The following TRIM25 variants were observed in gnomAD, a reference collection of about 807,000 sequenced individuals.
TRIM25 encodes E3 ubiquitin/ISG15 ligase TRIM25.
TRIM25 carries 45 observed loss-of-function variants against 65.2 expected under a neutral mutation model. The observed-to-expected ratio is 0.69, with a 90% CI of 0.54 to 0.89. The LOEUF (loss-of-function observed/expected upper bound fraction) is 0.89. Ranked by LOEUF, TRIM25 falls within the 40% of genes least tolerant of loss-of-function variation. The pLI, the probability that TRIM25 is intolerant of heterozygous loss-of-function variation, is 0.00. For missense variants in TRIM25, 714 were observed against 803.7 expected (o/e 0.89, Z 1.35); for synonymous variants, 321 against 340.4 (o/e 0.94, Z 0.63).
rs544184955 is a variant in TRIM25, at chr17:56,905,550, T to C, written c.694-1062A>G. Among the ~76,000 whole-genome samples the C allele has an allele frequency of 4.6e-5, 7 of 152,262 alleles. No individual in the cohort carries two copies. The South Asian group carries it at 1.5e-3, about 32-fold the overall frequency. ...CCATGAGTGTAAAATACATACTGGCTTTCAAGGGTTTCACACCAAAAAAAG... is the reference window on the plus strand; with the variant it reads ...CCATGAGTGTAAAATACATACTGGCCTTCAAGGGTTTCACACCAAAAAAAG... On this transcript the variant is annotated intron_variant, in intron 2 of 8. Transcript: ENST00000316881.
At position 56,892,217 on chromosome 17, in the gene TRIM25, A is replaced by C. The variant is rs900058442; in HGVS notation, c.1376T>G (p.Val459Gly). 5 of 1,592,922 alleles carry C rather than the reference A, an allele frequency of 3.1e-6. No individual in the cohort carries two copies. Among genetic ancestry groups the C allele is most frequent in the Non-Finnish European group, 4.3e-6 (5 of 1,165,528 alleles). Reference sequence around the variant, plus strand: ...GTGGGCGGTGTTGTAGTCCAGGATGACTTTAATGTAATCTGAGAAAACATC... The same window carrying C: ...GTGGGCGGTGTTGTAGTCCAGGATGCCTTTAATGTAATCTGAGAAAACATC... The part of the protein sequence containing the change: ...RPELLEYYIK[V>G]ILDYNTAHNK... The change falls in exon 9 of 9, where the codon GTC (valine) becomes GGC (glycine). Residue 459 changes from valine (V) to glycine (G), a missense_variant. Physicochemically the swap from Val to Gly is moderately radical, Grantham distance 109 (BLOSUM62 -3). This residue lies in a region of TRIM25 where 413 missense variants were observed against 498.2 expected (regional missense o/e 0.83). Transcript: ENST00000316881.
At chr17:56,895,210 G>GAGC (rs1909265784) in intron 8 of TRIM25, 133 bp downstream of exon 8, 3 of 653,116 alleles carry the variant, frequency 4.6e-6, no homozygotes, top group Non-Finnish European at 8.0e-6. Context: ...GAAAATAAGG[G>GAGC]AGCAACAAAG....
chr17:56,895,312 G>T, intron 8 of TRIM25, 31 bp downstream of exon 8: 2 of 1,580,504 alleles, frequency 1.3e-6, no homozygotes, highest in Non-Finnish European at 1.7e-6. Flanking sequence ...CAGAACCAGT[G>T]GAACCGCGCA....
chr17:56,901,695 C>T (rs1204771839), intron 3 of TRIM25, 117 bp from the exon 4 acceptor site: 1 of 1,340,158 alleles, frequency 7.5e-7, no homozygotes, highest in African/African-American at 1.5e-5. Flanking sequence ...TCCAATTGGC[C>T]TTCTCAAATT....
intron 1 of TRIM25, among the ~76,000 whole-genome samples, chr17:56,910,144 T>C (rs1909598830): frequency 6.6e-6 from 1 of 151,422 alleles, no homozygotes; most frequent in African/African-American, 2.5e-5. Flanking sequence ...AAACTGAGCA[T>C]GCTGGAGATT....
chr17:56,891,529 C>G lies in TRIM25; in HGVS notation c.*171G>C. ...CCTCCTCGCCCACAACACAATCACT[C>G]TCACCCCTTTCCTGGCTAAATCCCA... is the stretch of plus-strand genomic sequence containing the variant. On this transcript the variant is annotated 3_prime_UTR_variant, in exon 9 of 9. Coordinates refer to ENST00000316881, the MANE Select transcript of TRIM25 (RefSeq NM_005082.5). The G allele has an allele frequency of 4.6e-6, 4 of 868,956 alleles. No individual in the cohort carries two copies. In the South Asian group the frequency reaches 5.4e-5, roughly 12 times the overall value. 53.8% of individuals were successfully genotyped at this position (868,956 alleles called of 1,614,324 possible). A position where few individuals can be genotyped will look rare whatever the true frequency, so the allele number is the denominator to read the frequency against.
At chr17:56,894,965 G>T (rs1367554973) in intron 8 of TRIM25, among the ~76,000 whole-genome samples, 1 of 152,236 alleles carries the variant, frequency 6.6e-6, no homozygotes, top group Non-Finnish European at 1.5e-5. Context: ...GGTGGCTCTG[G>T]AGAGTGGTGG....
chr17:56,897,314 T>C (rs1289130526), intron 5 of TRIM25, among the ~76,000 whole-genome samples: 2 of 152,148 alleles, frequency 1.3e-5, no homozygotes, highest in African/African-American at 4.8e-5. Context: ...TGAAATCATA[T>C]CCCTGCCCAC....
At chr17:56,911,099 T>C (rs1457075619) in intron 1 of TRIM25, among the ~76,000 whole-genome samples, 5 of 152,054 alleles carry the variant, frequency 3.3e-5, no homozygotes. Flanking sequence ...ATCCCGTCTC[T>C]ACAAAAAATG....
rs558089268 is a variant in TRIM25 at position 56,893,146 on chromosome 17, G to T, written c.1364-917C>A. Reference sequence around the variant, plus strand: ...GGGAACACAGATGCAGCAGGAGAAGGGAAACATGTTGGGGCTAGAAAGGGA... The same window carrying T: ...GGGAACACAGATGCAGCAGGAGAAGTGAAACATGTTGGGGCTAGAAAGGGA... On this transcript the variant is annotated intron_variant, in intron 8 of 8. Coordinates refer to ENST00000316881, the MANE Select transcript of TRIM25 (RefSeq NM_005082.5). Among the ~76,000 whole-genome samples, 7 of 150,970 alleles carry T rather than the reference G, an allele frequency of 4.6e-5. No homozygotes were observed. The South Asian group carries it at 1.5e-3, about 31-fold the overall frequency.
intron 4 of TRIM25, among the ~76,000 whole-genome samples, chr17:56,899,537 C>T (rs1051068183): frequency 3.9e-5 from 6 of 152,168 alleles, no homozygotes; most frequent in Admixed American, 6.5e-5. Context: ...GGTCATGTAG[C>T]GGAGGCTGGG....
rs1159486930 is a variant in TRIM25, at chr17:56,913,226, A to G, written c.597+166T>C. 1.8e-5 allele frequency: 10 copies of G among 553,942 alleles called. No individual in the cohort carries two copies. The highest frequency in any genetic ancestry group is 3.1e-5 in the Non-Finnish European group (10 of 324,908). The allele number at this position is 553,942 out of a possible 1,614,324, so 34.3% of individuals were successfully genotyped here. A position where few individuals can be genotyped will look rare whatever the true frequency, so the allele number is the denominator to read the frequency against. On this transcript the variant is annotated intron_variant, in intron 1 of 8. Coordinates refer to ENST00000316881, the MANE Select transcript of TRIM25 (RefSeq NM_005082.5). This position sits in a 1 kb window ranked among gnomAD's most constrained non-coding sequence, Gnocchi z 6.1. The stretch of plus-strand genomic sequence containing the variant: ...TCTTCATGGATGATGGGAAGGGACT[A>G]TATAATCTCCCATCCCCTTTCTACT...
chr17:56,892,216 G>A lies in TRIM25; in HGVS notation c.1377C>T (p.Val459=). 1 of 1,597,832 alleles carries A rather than the reference G, an allele frequency of 6.3e-7. No individual in the cohort carries two copies. Among genetic ancestry groups the A allele is most frequent in the Non-Finnish European group, 8.6e-7 (1 of 1,168,548 alleles). ...TGTGGGCGGTGTTGTAGTCCAGGAT[G>A]ACTTTAATGTAATCTGAGAAAACAT... ...RPELLEYYIK[V]ILDYNTAHNK... Residue 459 remains valine (V), a synonymous_variant, in exon 9 of 9, where the codon GTC becomes GTT. Coordinates refer to ENST00000316881, the MANE Select transcript of TRIM25 (RefSeq NM_005082.5).
At position 56,890,444 on chromosome 17, in the gene TRIM25, G is replaced by A. The variant is rs1215754963; in HGVS notation, c.*1256C>T. 2.7e-6 allele frequency: 1 copy of A among 371,844 alleles called. No homozygotes were observed. The highest frequency in any genetic ancestry group is 5.3e-6 in the Non-Finnish European group (1 of 187,048). The allele number at this position is 371,844 out of a possible 1,614,324, so 23.0% of individuals were successfully genotyped here. A position where few individuals can be genotyped will look rare whatever the true frequency, so the allele number is the denominator to read the frequency against. On this transcript the variant is annotated 3_prime_UTR_variant, in exon 9 of 9. Transcript: ENST00000316881. ...TTAAATGAGGAAGTCAGTAGAAGGG[G>A]CTAGGGCCAGCCCCAGGCTCTGACT...
intron 1 of TRIM25, among the ~76,000 whole-genome samples, chr17:56,909,229 G>C (rs1008868348): frequency 3.3e-5 from 5 of 152,026 alleles, no homozygotes; most frequent in African/African-American, 1.2e-4. Flanking sequence ...GAAGGGGGAA[G>C]GGGGCCCAGA....
chr17:56,892,385 C>G (rs1208053110), intron 8 of TRIM25, among the ~76,000 whole-genome samples, 156 bp from the exon 9 acceptor site: 1 of 152,162 alleles, frequency 6.6e-6, no homozygotes, highest in Non-Finnish European at 1.5e-5. Context: ...ATCTGTCTGT[C>G]TATTCATCCA....
rs142383599 is a variant in TRIM25, at chr17:56,899,119, G to C, written c.1149C>G (p.Val383=). ...GACAGGGGTGGGGCTACTTACTGGA[G>C]ACCTTCTTCACAGGGCGTGTGGATT... ...THKSTRPVKK[V]SKEEKKSKKP... Residue 383 remains valine (V), a synonymous_variant, in exon 5 of 9, where the codon GTC becomes GTG. Transcript: ENST00000316881. 1 of 1,614,060 alleles carries C rather than the reference G, an allele frequency of 6.2e-7. No individual in the cohort carries two copies. Among genetic ancestry groups the C allele is most frequent in the African/African-American group, 1.3e-5 (1 of 74,934 alleles).
chr17:56,912,473 C>A (rs1240330995), intron 1 of TRIM25, among the ~76,000 whole-genome samples: 1 of 152,118 alleles, frequency 6.6e-6, no homozygotes, highest in Non-Finnish European at 1.5e-5. Context: ...GGGACGCTGC[C>A]CACCCTCCCT....
chr17:56,890,960 G>A lies in TRIM25; in HGVS notation c.*740C>T. On this transcript the variant is annotated 3_prime_UTR_variant, in exon 9 of 9. Transcript: ENST00000316881. ...AAGGATTTCCACCCAAACTGGATCA[G>A]GGTCACCATGACCCTGAATCACAAA... The A allele has an allele frequency of 2.2e-6, 1 of 453,050 alleles. No individual in the cohort carries two copies. The highest frequency in any genetic ancestry group is 4.5e-6 in the Non-Finnish European group (1 of 224,326). 28.1% of individuals were successfully genotyped at this position (453,050 alleles called of 1,614,324 possible).
Sources: gnomAD v4.1 joint callset for allele counts (sites outside exome capture counted in the v4.1 genomes callset) on GRCh38, gnomAD v4.1.1 for gene constraint, gnomAD v4.1.1 regional missense constraint, Gnocchi (gnomAD v3.1) non-coding constraint, MANE v1.5 for transcripts, NCBI Gene and HGNC (gene_info 2026-07-23, HGNC 2026-07-21) for gene names.